Variants in LIPI observed in about 807,000 individuals in gnomAD.
LIPI encodes lipase I.
A neutral mutation model predicts 50.6 loss-of-function variants in LIPI; 59 were observed. The ratio of observed to expected loss-of-function variants is 1.16; its 90% CI spans 0.94 to 1.45. The LOEUF (loss-of-function observed/expected upper bound fraction) is 1.45. Among genes scored for constraint, LIPI ranks in the 40% most tolerant of loss-of-function variants. The pLI, the probability that LIPI is intolerant of heterozygous loss-of-function variation, is 0.00. For synonymous variants in LIPI, 203 were observed against 178.2 expected, an observed-to-expected ratio of 1.14 and a Z score of -1.11; for missense variants, 586 against 536.3, an observed-to-expected ratio of 1.09 and a Z score of -0.92.
intron 8 of LIPI, 56 bp downstream of exon 8, chr21:14,152,517 A>C: frequency 2.4e-6 from 2 of 835,506 alleles, no homozygotes; most frequent in South Asian, 1.5e-5. Context: ...TGGATGGGAT[A>C]CTGAAGAAAG....
At chr21:14,141,712 C>G (rs1202318330) in intron 9 of LIPI, among the ~76,000 whole-genome samples, 2 of 152,184 alleles carry the variant, frequency 1.3e-5, no homozygotes, top group South Asian at 2.1e-4. Flanking sequence ...CCCATGTACA[C>G]AGAGGGTGGA....
rs886798679 is a variant in LIPI at position 14,138,945 on chromosome 21, C to T, written c.1295+5678G>A. The stretch of plus-strand genomic sequence containing the variant: ...CTGCAAAATAGACTATAACTACTCC[C>T]ATTTTACAGGTAAGGAAAATGAGGC... On this transcript the variant is annotated intron_variant, in intron 9 of 9. Coordinates refer to ENST00000681601, the MANE Select transcript of LIPI (RefSeq NM_001302998.2). Among the ~76,000 whole-genome samples the T allele has an allele frequency of 2.6e-5, 4 of 151,962 alleles. No homozygotes were observed. In the East Asian group the frequency reaches 7.7e-4, roughly 29 times the overall value.
At chr21:14,133,798 C>A (rs76706671) in intron 9 of LIPI, among the ~76,000 whole-genome samples, 4,139 of 152,246 alleles carry the variant, frequency 0.027, 178 homozygotes, top group African/African-American at 0.091. Flanking sequence ...TACAAAATTA[C>A]CATACAAAAA....
chr21:14,122,660 C>T (rs2016908424), intron 9 of LIPI, among the ~76,000 whole-genome samples: 3 of 152,104 alleles, frequency 2.0e-5, no homozygotes, highest in Admixed American at 1.3e-4. Context: ...TCAGCCAACA[C>T]CTATATACAG....
chr21:14,170,092 G>A (rs962896657), intron 4 of LIPI, among the ~76,000 whole-genome samples: 40 of 152,160 alleles, frequency 2.6e-4, no homozygotes, highest in African/African-American at 8.4e-4. Flanking sequence ...ACACCTCGAC[G>A]CAAATAAACT....
In LIPI at chr21:14,166,401, C is replaced by G; in HGVS notation, c.694G>C (p.Gly232Arg). The G allele has an allele frequency of 6.2e-7, 1 of 1,610,534 alleles. No individual in the cohort carries two copies. Among genetic ancestry groups the G allele is most frequent in the Non-Finnish European group, 8.5e-7 (1 of 1,176,968 alleles). ...LGHIDFYPNGGNKQPGCPKSI... is the reference protein window; with the variant it reads ...LGHIDFYPNGRNKQPGCPKSI... ...TTAGGACAGCCAGGTTGTTTATTTC[C>G]TCCATTTGGATAAAAATCTATATGT... The change falls in exon 5 of 10, where the codon GGA becomes CGA. Residue 232 changes from glycine to arginine, a missense_variant. Transcript: ENST00000681601.
intron 4 of LIPI, among the ~76,000 whole-genome samples, chr21:14,166,945 G>A (rs887084351): frequency 1.3e-5 from 2 of 152,230 alleles, no homozygotes; most frequent in Non-Finnish European, 2.9e-5. Flanking sequence ...GGATCAGGGA[G>A]TTCCCTTTCC....
At chr21:14,127,387 G>A (rs769296864) in intron 9 of LIPI, among the ~76,000 whole-genome samples, 1 of 152,162 alleles carries the variant, frequency 6.6e-6, no homozygotes, top group African/African-American at 2.4e-5. Flanking sequence ...CCAGCCAGCA[G>A]GGAATGTAGA....
chr21:14,200,833 G>T (rs1035304190), intron 1 of LIPI, among the ~76,000 whole-genome samples: 3 of 151,964 alleles, frequency 2.0e-5, no homozygotes, highest in African/African-American at 4.8e-5. Flanking sequence ...AAAGAACAAG[G>T]CTGGAGGCAT....
chr21:14,187,791 A>T (rs1345439465), intron 2 of LIPI, among the ~76,000 whole-genome samples: 5 of 152,222 alleles, frequency 3.3e-5, no homozygotes, highest in Non-Finnish European at 5.9e-5. Flanking sequence ...CCCACTGATT[A>T]AGCACATATA....
At chr21:14,134,589 T>C (rs1273346510) in intron 9 of LIPI, among the ~76,000 whole-genome samples, 7 of 151,972 alleles carry the variant, frequency 4.6e-5, no homozygotes, top group Admixed American at 4.6e-4. Flanking sequence ...GGTATAAAAA[T>C]AGACACACAG....
intron 5 of LIPI, among the ~76,000 whole-genome samples, chr21:14,165,601 A>T (rs992332937): frequency 4.6e-5 from 7 of 152,184 alleles, no homozygotes; most frequent in African/African-American, 1.7e-4. Context: ...TTTATAATGA[A>T]TTTTTAAAGT....
chr21:14,190,150 A>G (rs941082323), intron 1 of LIPI, among the ~76,000 whole-genome samples: 10 of 152,092 alleles, frequency 6.6e-5, no homozygotes, highest in African/African-American at 2.4e-4. Context: ...ATAACTATTA[A>G]CTATCTATCT....
chr21:14,201,516 C>T lies in LIPI; in HGVS notation c.46+9284G>A, dbSNP rs904151874. Among the ~76,000 whole-genome samples, 3 of 152,102 alleles carry T rather than the reference C, an allele frequency of 2.0e-5. No individual in the cohort carries two copies. In the South Asian group the frequency reaches 6.2e-4, roughly 32 times the overall value. ...TCAAGTGGGCTTCATCCCTGGCATGCAAGGCTGGTTCAACATACGCAAATC... is the reference window on the plus strand; with the variant it reads ...TCAAGTGGGCTTCATCCCTGGCATGTAAGGCTGGTTCAACATACGCAAATC... On this transcript the variant is annotated intron_variant, in intron 1 of 9. Transcript: ENST00000681601.
intron 7 of LIPI, among the ~76,000 whole-genome samples, chr21:14,157,267 G>C (rs769577916): frequency 6.6e-5 from 10 of 151,866 alleles, no homozygotes; most frequent in Non-Finnish European, 1.5e-4. Flanking sequence ...TTATCAATGG[G>C]AAATGAAGCT....
intron 1 of LIPI, among the ~76,000 whole-genome samples, chr21:14,200,275 T>A (rs2020006704): frequency 1.3e-5 from 2 of 151,940 alleles, no homozygotes; most frequent in African/African-American, 4.8e-5. Flanking sequence ...TTGAAAGAAA[T>A]AAAAGGCATC....
At chr21:14,144,360 G>A (rs927090010) in intron 9 of LIPI, 7 of 285,244 alleles carry the variant, frequency 2.5e-5, no homozygotes, top group Non-Finnish European at 4.6e-5. Flanking sequence ...AGGCATTGGT[G>A]TTACTTTTTT....
At chr21:14,148,080 T>C (rs546228143) in intron 8 of LIPI, among the ~76,000 whole-genome samples, 5 of 152,232 alleles carry the variant, frequency 3.3e-5, no homozygotes, top group Non-Finnish European at 5.9e-5. Flanking sequence ...TCATTAGTAG[T>C]ATAGAAAAAA....
chr21:14,166,553 A>T, intron 4 of LIPI, 102 bp from the exon 5 acceptor site: 1 of 716,450 alleles, frequency 1.4e-6, no homozygotes, highest in Non-Finnish European at 2.5e-6. Context: ...TTACTCTTTA[A>T]ATATTAGAAT....
Sources: gnomAD v4.1 joint callset for allele counts (sites outside exome capture counted in the v4.1 genomes callset) on GRCh38, gnomAD v4.1.1 for gene constraint, MANE v1.5 for transcripts, NCBI Gene and HGNC (gene_info 2026-07-23, HGNC 2026-07-21) for gene names.